Variants in SDR16C5 observed in about 807,000 individuals in gnomAD.
SDR16C5 encodes short chain dehydrogenase/reductase family 16C member 5, also known as epidermal retinol dehydrogenase 2.
In SDR16C5, 20 loss-of-function variants were observed where a neutral mutation model predicts 27.7. The ratio of observed to expected loss-of-function variants is 0.72; its 90% CI spans 0.51 to 1.05. The LOEUF is 1.05. Among genes scored for constraint, SDR16C5 ranks in the 50% least tolerant of loss-of-function variants. The pLI is 0.00. For synonymous variants in SDR16C5, 139 were observed against 132.3 expected, an observed-to-expected ratio of 1.05 and a Z score of -0.35; for missense variants, 374 against 366.3, an observed-to-expected ratio of 1.02 and a Z score of -0.17.
chr8:56,308,427 G>A (rs1256027704), intron 4 of SDR16C5, among the ~76,000 whole-genome samples: 1 of 152,190 alleles, frequency 6.6e-6, no homozygotes, highest in Non-Finnish European at 1.5e-5. Context: ...CAAGTCAGTT[G>A]GTTGTTGCAA....
In SDR16C5 at chr8:56,301,966, C is replaced by G. The variant is rs1017145197; in HGVS notation, c.837-393G>C. 4.6e-5 allele frequency among the ~76,000 whole-genome samples: 7 copies of G among 152,166 alleles called. No individual in the cohort carries two copies. In the South Asian group the frequency reaches 1.2e-3, roughly 27 times the overall value. ...TAGGCAATCGACTCAGCTCATAGAC[C>G]TCAGTTTCCTCAACTGTAAAATGAG... On this transcript the variant is annotated intron_variant, in intron 6 of 6. Transcript: ENST00000303749.
intron 2 of SDR16C5, among the ~76,000 whole-genome samples, chr8:56,315,042 C>T (rs1194382007): frequency 5.3e-5 from 8 of 151,974 alleles, no homozygotes; most frequent in African/African-American, 1.7e-4. Flanking sequence ...GTCGGGAGTT[C>T]GACCAGCCTG....
At chr8:56,312,588 C>T (rs953592350) in intron 2 of SDR16C5, among the ~76,000 whole-genome samples, 1 of 151,908 alleles carries the variant, frequency 6.6e-6, no homozygotes, top group Non-Finnish European at 1.5e-5. Context: ...GCCTCTAGCC[C>T]CAGCTACTCG....
Position 56,309,011 on chromosome 8 carries a change from A to G in SDR16C5, c.482T>C (p.Leu161Pro). 1.2e-6 allele frequency: 2 copies of G among 1,610,076 alleles called. No homozygotes were observed. Among genetic ancestry groups the G allele is most frequent in the Non-Finnish European group, 1.7e-6 (2 of 1,178,274 alleles). ...ATGGTCATTAGCAATCATAGCAGGT[A>G]GAAAGGCTTTATAAGTCTAAGAATA... ...KAHLWTYKAF[L>P]PAMIANDHGH... The change falls in exon 4 of 7, where the codon CTA becomes CCA. Residue 161 changes from leucine (L) to proline (P), a missense_variant. Leu to Pro is a moderately conservative substitution (Grantham distance 98, BLOSUM62 -3). Coordinates refer to ENST00000303749, the MANE Select transcript of SDR16C5 (RefSeq NM_138969.4).
intron 1 of SDR16C5, among the ~76,000 whole-genome samples, chr8:56,317,309 A>G (rs949308332): frequency 6.6e-6 from 1 of 152,050 alleles, no homozygotes; most frequent in Admixed American, 6.6e-5. Flanking sequence ...TGCTGAATGA[A>G]TAAAAGGCCT....
intron 2 of SDR16C5, among the ~76,000 whole-genome samples, chr8:56,314,024 T>C (rs370671441): frequency 3.3e-5 from 5 of 152,166 alleles, no homozygotes; most frequent in African/African-American, 9.6e-5. Context: ...CTGGCCAACA[T>C]GGTGAAACCC....
chr8:56,309,085 A>G (rs1224784723), intron 3 of SDR16C5, 58 bp from the exon 4 acceptor site: 1 of 1,311,010 alleles, frequency 7.6e-7, no homozygotes, highest in African/African-American at 1.5e-5. Flanking sequence ...ATTTTCTCAG[A>G]TATTTATATA....
chr8:56,305,746 T>G, intron 5 of SDR16C5, 24 bp from the exon 6 acceptor site: 1 of 1,563,628 alleles, frequency 6.4e-7, no homozygotes, highest in Non-Finnish European at 8.6e-7. Flanking sequence ...TGACAACAAT[T>G]AAAAAAAACC....
intron 1 of SDR16C5, among the ~76,000 whole-genome samples, chr8:56,317,673 G>A (rs1355647311): frequency 6.6e-6 from 1 of 152,220 alleles, no homozygotes; most frequent in Non-Finnish European, 1.5e-5. Flanking sequence ...GGAGGACTTG[G>A]TATGTGGTCA....
chr8:56,308,779 C>T (rs770284661), intron 4 of SDR16C5, 149 bp downstream of exon 4: 29 of 548,074 alleles, frequency 5.3e-5, no homozygotes, highest in African/African-American at 2.5e-4. Context: ...TTTTGCTACA[C>T]GATGAAGTTA....
chr8:56,303,807 ATC>A lies in SDR16C5; in HGVS notation c.836+1788_836+1789del, dbSNP rs1462002155. The stretch of plus-strand genomic sequence containing the variant: ...TTACCATTGGCATTACTATACTATA[ATC>A]TGCCATCTATTAAGCAAAAAGAACT... On this transcript the variant is annotated intron_variant, in intron 6 of 6. Coordinates refer to ENST00000303749, the MANE Select transcript of SDR16C5 (RefSeq NM_138969.4). 42 of 598,378 alleles carry A rather than the reference ATC, an allele frequency of 7.0e-5. No homozygotes were observed. In the East Asian group the frequency reaches 1.2e-3, roughly 17 times the overall value. The allele number at this position is 598,378 out of a possible 1,614,324, so 37.1% of individuals were successfully genotyped here. A position where few individuals can be genotyped will look rare whatever the true frequency, so the allele number is the denominator to read the frequency against.
Position 56,306,667 on chromosome 8 carries a change from C to T in SDR16C5, c.710+9G>A, listed in dbSNP as rs200207888. The T allele has an allele frequency of 4.7e-4, 738 of 1,576,214 alleles. 2 individuals are homozygous for T. Among genetic ancestry groups the T allele is most frequent in the Middle Eastern group, 1.4e-3 (8 of 5,560 alleles). On this transcript the variant is annotated intron_variant, in intron 5 of 6. Transcript: ENST00000303749. ...GTGTAGATTCTTTGAAATTAAAGGA[C>T]ATACTTACCCTGTAGTACAACCTTC...
intron 5 of SDR16C5, 70 bp downstream of exon 5, chr8:56,306,606 A>G: frequency 7.2e-7 from 1 of 1,384,110 alleles, no homozygotes; most frequent in Non-Finnish European, 9.8e-7. Flanking sequence ...CAACTTAAAA[A>G]AAAGAACAAA....
In SDR16C5 at chr8:56,300,319, C is replaced by G. The variant is rs977200765; in HGVS notation, c.*1161G>C. 12 of 152,114 alleles carry G rather than the reference C, an allele frequency of 7.9e-5. No homozygotes were observed. Among genetic ancestry groups the G allele is most frequent in the Admixed American group, 7.2e-4 (11 of 15,294 alleles). The allele number at this position is 152,114 out of a possible 1,614,324, so 9.4% of individuals were successfully genotyped here. A position where few individuals can be genotyped will look rare whatever the true frequency, so the allele number is the denominator to read the frequency against. ...TGCCCCTATGACAGCATTTTACCCC[C>G]AAGATAGTCAAATTCTCAATTCTTT... On this transcript the variant is annotated 3_prime_UTR_variant, in exon 7 of 7. Coordinates refer to ENST00000303749, the MANE Select transcript of SDR16C5 (RefSeq NM_138969.4).
chr8:56,312,610 CAGG>C (rs1427396584), intron 2 of SDR16C5, among the ~76,000 whole-genome samples: 3 of 151,874 alleles, frequency 2.0e-5, no homozygotes, highest in Non-Finnish European at 2.9e-5. Context: ...GAGGCTGAGG[CAGG>C]AGAATTGCTT....
intron 2 of SDR16C5, among the ~76,000 whole-genome samples, chr8:56,314,681 C>T (rs769979460): frequency 5.3e-5 from 8 of 152,030 alleles, no homozygotes; most frequent in Non-Finnish European, 1.0e-4. Context: ...CCAGCCTGTA[C>T]TGGGCAGCCT....
At position 56,304,121 on chromosome 8, in the gene SDR16C5, T is replaced by A. The variant is rs781271118; in HGVS notation, c.836+1476A>T. 1.3e-4 allele frequency: 90 copies of A among 701,202 alleles called. 1 individual carries two copies. In the East Asian group the frequency reaches 1.7e-3, roughly 13 times the overall value. The allele number at this position is 701,202 out of a possible 1,614,324, so 43.4% of individuals were successfully genotyped here. A position where few individuals can be genotyped will look rare whatever the true frequency, so the allele number is the denominator to read the frequency against. ...ATAGTATGCAAGAATGACATTTGGT[T>A]CATTGCACAAAGTAGATATAATTAG... is the stretch of plus-strand genomic sequence containing the variant. On this transcript the variant is annotated intron_variant, in intron 6 of 6. Coordinates refer to ENST00000303749, the MANE Select transcript of SDR16C5 (RefSeq NM_138969.4).
intron 4 of SDR16C5, 56 bp from the exon 5 acceptor site, chr8:56,306,876 T>C (rs1814900656): frequency 1.3e-6 from 2 of 1,507,076 alleles, no homozygotes; most frequent in East Asian, 2.3e-5. Flanking sequence ...TGGCATTACA[T>C]TAAGGTTTAC....
chr8:56,303,319 AAAAAAAAAAAG>A (rs1354700774), intron 6 of SDR16C5, among the ~76,000 whole-genome samples: 1 of 151,950 alleles, frequency 6.6e-6, no homozygotes, highest in Non-Finnish European at 1.5e-5. Flanking sequence ...ATCTTTAAAA[AAAAAAAAAAAG>A]AAAAAAAAAA....
Sources: allele counts gnomAD v4.1 joint callset (sites outside exome capture counted in the v4.1 genomes callset), GRCh38; gene constraint gnomAD v4.1.1; transcripts MANE v1.5; gene names NCBI Gene and HGNC (gene_info 2026-07-23, HGNC 2026-07-21).